The following ENTPD5 variants were observed in gnomAD, a reference collection of about 807,000 sequenced individuals.
The protein encoded by ENTPD5 is nucleoside diphosphate phosphatase ENTPD5.
ENTPD5 carries 49 observed loss-of-function variants against 60.2 expected under a neutral mutation model. The observed-to-expected ratio is 0.81, with a 90% confidence interval of 0.65 to 1.03. The LOEUF is 1.03. Ranked by LOEUF, ENTPD5 falls within the 50% of genes least tolerant of loss-of-function variation. The pLI is 0.00. For synonymous variants in ENTPD5, 187 were observed against 185.4 expected, an observed-to-expected ratio of 1.01 and a Z score of -0.07; for missense variants, 480 against 507.6, an observed-to-expected ratio of 0.95 and a Z score of 0.52.
chr14:74,000,930 TTCC>T (rs1238631220), intron 3 of ENTPD5, among the ~76,000 whole-genome samples: 1 of 152,010 alleles, frequency 6.6e-6, no homozygotes, highest in Non-Finnish European at 1.5e-5. Context: ...ATTTAAAAAT[TTCC>T]TCAAGAGCCA....
intron 4 of ENTPD5, chr14:73,987,230 A>C (rs1341533633): frequency 7.3e-6 from 5 of 685,588 alleles, no homozygotes; most frequent in Admixed American, 2.1e-5. Flanking sequence ...TGAAATTCTC[A>C]TGTGATCCTT....
At chr14:73,959,159 C>T, downstream of ENTPD5, 5 of 1,614,226 alleles carry the variant, frequency 3.1e-6, no homozygotes, top group Non-Finnish European at 3.4e-6. Context: ...CTCTCTGTTG[C>T]AGGCCACAGA....
At chr14:73,994,129 T>A (rs1340152565) in intron 3 of ENTPD5, among the ~76,000 whole-genome samples, 1 of 151,994 alleles carries the variant, frequency 6.6e-6, no homozygotes, top group East Asian at 1.9e-4. Flanking sequence ...TTTTTAAACT[T>A]TATTTATTTA....
At chr14:73,999,653 G>A (rs4903166) in intron 3 of ENTPD5, among the ~76,000 whole-genome samples, 4,151 of 151,592 alleles carry the variant, frequency 0.027, 88 homozygotes, top group South Asian at 0.085. Context: ...TTAGCCAGGC[G>A]CAGTGGCGCG....
chr14:74,001,259 T>C (rs1471505237), intron 3 of ENTPD5, among the ~76,000 whole-genome samples: 1 of 152,140 alleles, frequency 6.6e-6, no homozygotes, highest in Admixed American at 6.5e-5. Context: ...TCCCAGCACT[T>C]TGGGAGGCCA....
chr14:74,016,447 G>C (rs1566776812), intron 1 of ENTPD5, among the ~76,000 whole-genome samples: 1 of 152,144 alleles, frequency 6.6e-6, no homozygotes, highest in African/African-American at 2.4e-5. Context: ...GACCAGCCTA[G>C]GCAACATGGC....
At chr14:74,009,764 T>G (rs1332412932) in intron 3 of ENTPD5, among the ~76,000 whole-genome samples, 1 of 151,884 alleles carries the variant, frequency 6.6e-6, no homozygotes, top group South Asian at 2.1e-4. Context: ...CATGAACCAC[T>G]GCACCCAGAT....
At chr14:73,994,632 C>G (rs2058270979) in intron 3 of ENTPD5, among the ~76,000 whole-genome samples, 1 of 151,092 alleles carries the variant, frequency 6.6e-6, no homozygotes, top group Non-Finnish European at 1.5e-5. Context: ...ACTTGGGAGG[C>G]TGAGTCAGGA....
chr14:74,008,379 A>C (rs567875686), intron 3 of ENTPD5, among the ~76,000 whole-genome samples: 168 of 149,948 alleles, frequency 1.1e-3, no homozygotes, highest in Non-Finnish European at 1.7e-3. Context: ...TTTATTATTT[A>C]TTTTTTCTTT....
downstream of ENTPD5, chr14:73,960,976 T>A: frequency 1.4e-6 from 1 of 694,432 alleles, no homozygotes; most frequent in South Asian, 1.7e-5. Flanking sequence ...ATGTACAGTT[T>A]GGCTAGATCT....
downstream of ENTPD5, chr14:73,958,734 C>G: frequency 7.0e-7 from 1 of 1,422,556 alleles, no homozygotes; most frequent in South Asian, 1.4e-5. Flanking sequence ...GAGGGCCTGG[C>G]TGAGTTTAAC....
rs187190913 is a variant in ENTPD5, at chr14:73,963,303, C to A, written c.*3625G>T. 2.1e-6 allele frequency: 1 copy of A among 466,500 alleles called. No individual in the cohort carries two copies. The highest frequency in any genetic ancestry group is 2.0e-5 in the African/African-American group (1 of 50,314). 28.9% of individuals were successfully genotyped at this position (466,500 alleles called of 1,614,324 possible). A position where few individuals can be genotyped will look rare whatever the true frequency, so the allele number is the denominator to read the frequency against. On this transcript the variant is annotated 3_prime_UTR_variant, in exon 16 of 16. Transcript: ENST00000334696. ...CTCACTCATTTCCAGTTAATCATTT[C>A]TAAAGAGAAAATTTACATTTTGTTT...
Position 73,976,249 on chromosome 14 carries a change from T to C in ENTPD5, c.642+75A>G, listed in dbSNP as rs1664988742. The C allele has an allele frequency of 3.5e-5, 46 of 1,301,930 alleles. No individual in the cohort carries two copies. The South Asian group carries it at 3.8e-4, about 11-fold the overall frequency. 80.6% of individuals were successfully genotyped at this position (1,301,930 alleles called of 1,614,324 possible). ...GCGTGGTAGAGCTGCTGGCTGAAAA[T>C]GGGGCGCCTCTTTCTTGGCACCATG... On this transcript the variant is annotated intron_variant, in intron 9 of 15. Transcript: ENST00000334696.
At chr14:73,983,216 T>G in intron 5 of ENTPD5, 55 bp from the exon 6 acceptor site, 2 of 1,540,860 alleles carry the variant, frequency 1.3e-6, no homozygotes, top group South Asian at 2.5e-5. Context: ...TGGCTGGCAC[T>G]GGTCTATTCT....
downstream of ENTPD5, chr14:73,960,737 A>C: frequency 2.0e-6 from 1 of 494,072 alleles, no homozygotes; most frequent in Non-Finnish European, 3.1e-6. Flanking sequence ...GATGCTGTGG[A>C]AGCATACAGG....
chr14:73,957,740 A>G (rs1434033634), downstream of ENTPD5, among the ~76,000 whole-genome samples: 3 of 152,156 alleles, frequency 2.0e-5, no homozygotes, highest in East Asian at 3.9e-4. Flanking sequence ...CATAGAGCGT[A>G]TTGTTTTTAT....
rs1030564220 is a variant in ENTPD5, at chr14:73,963,359, G to A, written c.*3569C>T. 5.3e-6 allele frequency: 2 copies of A among 376,040 alleles called. No individual in the cohort carries two copies. The highest frequency in any genetic ancestry group is 9.5e-6 in the Non-Finnish European group (2 of 211,012). The allele number at this position is 376,040 out of a possible 1,614,324, so 23.3% of individuals were successfully genotyped here. A position where few individuals can be genotyped will look rare whatever the true frequency, so the allele number is the denominator to read the frequency against. ...TTAATGTTGGTCATAAATTTATACA[G>A]TTGTTTTTTGATAGAGGTAAGAATT... On this transcript the variant is annotated 3_prime_UTR_variant, in exon 16 of 16. Coordinates refer to ENST00000334696, the MANE Select transcript of ENTPD5 (RefSeq NM_001249.5).
intron 3 of ENTPD5, among the ~76,000 whole-genome samples, chr14:74,005,842 C>G (rs893114806): frequency 1.3e-5 from 2 of 151,950 alleles, no homozygotes; most frequent in Non-Finnish European, 2.9e-5. Context: ...AATAAACAAA[C>G]AAAATGAACA....
Position 73,964,008 on chromosome 14 carries a change from A to G in ENTPD5, c.*2920T>C, listed in dbSNP as rs1594825089. 1 of 152,216 alleles carries G rather than the reference A, an allele frequency of 6.6e-6. No individual in the cohort carries two copies. Among genetic ancestry groups the G allele is most frequent in the South Asian group, 2.1e-4 (1 of 4,836 alleles). 9.4% of individuals were successfully genotyped at this position (152,216 alleles called of 1,614,324 possible). A position where few individuals can be genotyped will look rare whatever the true frequency, so the allele number is the denominator to read the frequency against. On this transcript the variant is annotated 3_prime_UTR_variant, in exon 16 of 16. Transcript: ENST00000334696. ...TCACAACCTTGCTGGAATCTCAGGA[A>G]AAAGAATTAAAGATGGCAGCTGCTG...
Sources: allele counts gnomAD v4.1 joint callset (sites outside exome capture counted in the v4.1 genomes callset), GRCh38; gene constraint gnomAD v4.1.1; transcripts MANE v1.5; gene names NCBI Gene and HGNC (gene_info 2026-07-23, HGNC 2026-07-21).